PARL: variants seen among roughly 807,000 people sequenced by gnomAD.
The protein encoded by PARL is presenilin associated rhomboid like, also known as presenilin-associated rhomboid-like protein, mitochondrial.
Under a neutral mutation model 51.6 loss-of-function variants are expected in PARL, and 44 were observed. The ratio of observed to expected loss-of-function variants is 0.85; its 90% CI spans 0.67 to 1.10. The LOEUF is 1.10. Ranked by LOEUF, PARL falls within the 50% of genes least tolerant of loss-of-function variation. The probability of loss-of-function intolerance (pLI) is 0.00; values close to 1 mark genes in which losing one functional copy is unlikely to be tolerated. For missense variants in PARL, 441 were observed against 469.5 expected (o/e 0.94, Z 0.56); for synonymous variants, 172 against 164.0 (o/e 1.05, Z -0.37).
intron 1 of PARL, among the ~76,000 whole-genome samples, chr3:183,873,753 C>CACAAGTTTT (rs1451363671): frequency 6.6e-6 from 1 of 152,072 alleles, no homozygotes; most frequent in Non-Finnish European, 1.5e-5. Context: ...AATTTTGAAG[C>CACAAGTTTT]ACAAGTTTTA....
At chr3:183,844,821 A>T (rs767840191) in intron 4 of PARL, 6 of 154,520 alleles carry the variant, frequency 3.9e-5, no homozygotes, top group African/African-American at 7.2e-5. Context: ...TGAGAAAAAT[A>T]GTCATGTGAT....
At chr3:183,865,382 C>CGTA (rs889181010) in intron 3 of PARL, among the ~76,000 whole-genome samples, 6 of 152,156 alleles carry the variant, frequency 3.9e-5, no homozygotes, top group African/African-American at 1.4e-4. Context: ...AGTTCAAATA[C>CGTA]GTACTCTAAA....
At chr3:183,883,500 C>T (rs1321302654) in intron 1 of PARL, 1 of 577,714 alleles carries the variant, frequency 1.7e-6, no homozygotes, top group Non-Finnish European at 2.2e-6. Flanking sequence ...GAACTCCTAA[C>T]TTCAGGTGAT....
At chr3:183,841,196 G>C (rs1466377269) in intron 6 of PARL, among the ~76,000 whole-genome samples, 1 of 152,170 alleles carries the variant, frequency 6.6e-6, no homozygotes, top group Non-Finnish European at 1.5e-5. Context: ...TGGCTTCAGT[G>C]CCATTTGAGT....
chr3:183,872,324 C>T (rs553012037), intron 1 of PARL, among the ~76,000 whole-genome samples: 3 of 152,252 alleles, frequency 2.0e-5, no homozygotes, highest in East Asian at 3.9e-4. Flanking sequence ...TTCTCTTCAA[C>T]ACTGAGTCCA....
intron 4 of PARL, 88 bp downstream of exon 4, chr3:183,862,665 G>T: frequency 1.0e-6 from 1 of 972,122 alleles, no homozygotes; most frequent in Non-Finnish European, 1.7e-6. Flanking sequence ...GGTGAGCATG[G>T]TACAAGAGCC....
intron 4 of PARL, chr3:183,846,616 C>A (rs890083666): frequency 6.1e-6 from 6 of 985,248 alleles, no homozygotes; most frequent in Non-Finnish European, 7.2e-6. Context: ...TGAGTACTGG[C>A]ACTGAAACAG....
Position 183,843,864 on chromosome 3 carries a change from C to A in PARL, c.607+367G>T, listed in dbSNP as rs552852917. On this transcript the variant is annotated intron_variant, in intron 5 of 9. Transcript: ENST00000317096. ...GAACAGCCTATCCAACACGGTGAAA[C>A]CCTGTCTCTATTAAAAATACAAAAA... Among the ~76,000 whole-genome samples, 5 of 151,958 alleles carry A rather than the reference C, an allele frequency of 3.3e-5. No individual in the cohort carries two copies. The East Asian group carries it at 5.8e-4, about 18-fold the overall frequency.
chr3:183,884,871 G>C lies in PARL; in HGVS notation c.-25C>G. 2.5e-6 allele frequency: 4 copies of C among 1,596,134 alleles called. No homozygotes were observed. The highest frequency in any genetic ancestry group is 3.4e-6 in the Non-Finnish European group (4 of 1,179,250). On this transcript the variant is annotated 5_prime_UTR_variant, in exon 1 of 10. Coordinates refer to ENST00000317096, the MANE Select transcript of PARL (RefSeq NM_018622.7). ...TCTTCCCAACCTCTGCCCCACCATG[G>C]CCCGACCTTACCAACCCCAGCTGCG...
At position 183,831,133 on chromosome 3, in the gene PARL, G is replaced by A. The variant is rs971295619; in HGVS notation, c.1029-1424C>T. On this transcript the variant is annotated intron_variant, in intron 9 of 9. Transcript: ENST00000317096. ...TGGTATTACAGGCATGCACCACCAC[G>A]CCCGGCTAATTTTTGTATTTTTAGT... 5.9e-5 allele frequency among the ~76,000 whole-genome samples: 9 copies of A among 152,124 alleles called. No homozygotes were observed. In the East Asian group the frequency reaches 7.7e-4, roughly 13 times the overall value.
At chr3:183,871,822 T>C (rs1370496062) in intron 1 of PARL, among the ~76,000 whole-genome samples, 1 of 152,246 alleles carries the variant, frequency 6.6e-6, no homozygotes, top group African/African-American at 2.4e-5. Flanking sequence ...TTAATCAGAA[T>C]GCACTGGCTG....
chr3:183,850,544 A>G (rs1258023794), intron 4 of PARL, among the ~76,000 whole-genome samples: 23 of 152,238 alleles, frequency 1.5e-4, no homozygotes, highest in East Asian at 3.8e-4. Context: ...GGGGAAGCAC[A>G]CTATTCAACT....
At position 183,829,464 on chromosome 3, in the gene PARL, C is replaced by T; in HGVS notation, c.*134G>A. On this transcript the variant is annotated 3_prime_UTR_variant, in exon 10 of 10. Coordinates refer to ENST00000317096, the MANE Select transcript of PARL (RefSeq NM_018622.7). ...TTCTAAAAAGACACGGACTGGGGGA[C>T]ACAGCTGAAAACAGTGGGAGGCCAG... 1.9e-6 allele frequency: 3 copies of T among 1,604,276 alleles called. No homozygotes were observed. The highest frequency in any genetic ancestry group is 2.6e-6 in the Non-Finnish European group (3 of 1,175,290).
chr3:183,881,360 G>A (rs983200619), intron 1 of PARL, among the ~76,000 whole-genome samples: 1 of 152,144 alleles, frequency 6.6e-6, no homozygotes, highest in East Asian at 1.9e-4. Context: ...GACCTCAGGT[G>A]ATCCACCCGC....
intron 6 of PARL, 22 bp downstream of exon 6, chr3:183,842,276 C>A: frequency 6.2e-7 from 1 of 1,609,838 alleles, no homozygotes; most frequent in East Asian, 2.2e-5. Flanking sequence ...CTCTCAAAGG[C>A]CCCGAGATTA....
chr3:183,847,578 A>AATAC (rs1396813197), intron 4 of PARL, among the ~76,000 whole-genome samples: 2 of 152,008 alleles, frequency 1.3e-5, no homozygotes, highest in African/African-American at 4.8e-5. Context: ...TAAATAAATA[A>AATAC]ATAAATAAAA....
chr3:183,859,924 C>T (rs907067359), intron 4 of PARL, among the ~76,000 whole-genome samples: 5 of 152,142 alleles, frequency 3.3e-5, no homozygotes, highest in Non-Finnish European at 5.9e-5. Flanking sequence ...AGTGAGAAAT[C>T]TTTAACCGAC....
chr3:183,827,135 G>T (rs1415182227), downstream of PARL, among the ~76,000 whole-genome samples: 1 of 152,046 alleles, frequency 6.6e-6, no homozygotes, highest in African/African-American at 2.4e-5. Context: ...GGAGGGTCTT[G>T]GTGGCCACAC....
downstream of PARL, chr3:183,826,786 G>GC: frequency 1.0e-6 from 1 of 985,354 alleles, no homozygotes; most frequent in Non-Finnish European, 1.2e-6. Flanking sequence ...TGGACTGTCC[G>GC]CCACGGCCCT....
Sources: allele counts gnomAD v4.1 joint callset (sites outside exome capture counted in the v4.1 genomes callset), GRCh38; gene constraint gnomAD v4.1.1; transcripts MANE v1.5; gene names NCBI Gene and HGNC (gene_info 2026-07-23, HGNC 2026-07-21).